The following TMEM119 variants were observed in gnomAD, a reference collection of about 807,000 sequenced individuals.
TMEM119 encodes the protein osteoblast induction factor.
For synonymous variants in TMEM119, 182 were observed against 176.4 expected, an observed-to-expected ratio of 1.03 and a Z score of -0.25; for missense variants, 410 against 381.0, an observed-to-expected ratio of 1.08 and a Z score of -0.63.
chr12:108,597,580 A>G (rs1367407928), intron 1 of TMEM119, among the ~76,000 whole-genome samples: 3 of 151,862 alleles, frequency 2.0e-5, no homozygotes, highest in African/African-American at 7.3e-5. Context: ...CACACAATAC[A>G]CAGAGAACAC....
In TMEM119 at chr12:108,592,146, G is replaced by C. The variant is rs987934739; in HGVS notation, c.238C>G (p.Pro80Ala). ...QPITLGGPSP[P>A]TNFLDGIVDF... ...ACTATCCCATCCAGGAAGTTGGTGGGGGGTGATGGGCCCCCCAGGGTTATG... is the reference window on the plus strand; with the variant it reads ...ACTATCCCATCCAGGAAGTTGGTGGCGGGTGATGGGCCCCCCAGGGTTATG... The change falls in exon 2 of 2, where the codon CCC (proline) becomes GCC (alanine). Residue 80 changes from proline (P) to alanine (A), a missense_variant. Physicochemically the swap from Pro to Ala is conservative, Grantham distance 27 (BLOSUM62 -1). Coordinates refer to ENST00000392806, the MANE Select transcript of TMEM119 (RefSeq NM_181724.3). The surrounding 1 kb of genome is among the most constrained non-coding windows in gnomAD (Gnocchi z 4.3). 1.9e-6 allele frequency: 3 copies of C among 1,614,000 alleles called. No individual in the cohort carries two copies. Among genetic ancestry groups the C allele is most frequent in the African/African-American group, 2.7e-5 (2 of 74,930 alleles).
intron 1 of TMEM119, chr12:108,594,671 G>T (rs1302752304): frequency 6.6e-6 from 1 of 152,092 alleles, no homozygotes; most frequent in Non-Finnish European, 1.5e-5. Context: ...GCCAGGTGTG[G>T]TGGCTCACAC....
rs1412773678 is a variant in TMEM119, at chr12:108,591,861, C to T, written c.523G>A (p.Asp175Asn). The change falls in exon 2 of 2, where the codon GAC becomes AAC. Residue 175 changes from aspartate to asparagine, a missense_variant. Transcript: ENST00000392806. The surrounding 1 kb of genome is among the most constrained non-coding windows in gnomAD (Gnocchi z 4.2). ...AGGTTCTGGGTGGCGGCCAAGATGT[C>T]GGCCTGGAGCTGCCGGGAGGAATCC... is the stretch of plus-strand genomic sequence containing the variant. The part of the protein sequence containing the change: ...ALDSSRQLQA[D>N]ILAATQNLKS... The T allele has an allele frequency of 2.5e-6, 4 of 1,605,778 alleles. No homozygotes were observed. The highest frequency in any genetic ancestry group is 2.2e-5 in the South Asian group (2 of 90,656).
intron 1 of TMEM119, among the ~76,000 whole-genome samples, chr12:108,593,456 A>G (rs974806737): frequency 6.6e-6 from 1 of 151,970 alleles, no homozygotes; most frequent in Non-Finnish European, 1.5e-5. Context: ...AAGAAGAAAA[A>G]AAAAAAAAGA....
At chr12:108,593,890 C>G (rs576899059) in intron 1 of TMEM119, among the ~76,000 whole-genome samples, 34 of 152,370 alleles carry the variant, frequency 2.2e-4, no homozygotes, top group African/African-American at 7.7e-4. Flanking sequence ...AACCCCTGCC[C>G]GGCCCAGCAG....
At position 108,591,476 on chromosome 12, in the gene TMEM119, C is replaced by A; in HGVS notation, c.*56G>T. On this transcript the variant is annotated 3_prime_UTR_variant, in exon 2 of 2. Transcript: ENST00000392806. The surrounding 1 kb of genome is among the most constrained non-coding windows in gnomAD (Gnocchi z 4.2). The stretch of plus-strand genomic sequence containing the variant: ...TCAGGGCTGAAGGCCTTTTCATACA[C>A]GGGGAGGTGACCACTTGGGGGCCCG... 6.6e-7 allele frequency: 1 copy of A among 1,517,454 alleles called. No individual in the cohort carries two copies. The highest frequency in any genetic ancestry group is 2.1e-5 in the Admixed American group (1 of 46,926). The allele number at this position is 1,517,454 out of a possible 1,614,324, so 94.0% of individuals were successfully genotyped here. A position where few individuals can be genotyped will look rare whatever the true frequency, so the allele number is the denominator to read the frequency against.
At position 108,596,145 on chromosome 12, in the gene TMEM119, C is replaced by T. The variant is rs190507184; in HGVS notation, c.-15+1825G>A. On this transcript the variant is annotated intron_variant, in intron 1 of 1. Transcript: ENST00000392806. ...TGCCTGGTGCGAAGTAGCTGAGCCC[C>T]GAGGAAAGATAGGGTCTGGGGTAGC... Among the ~76,000 whole-genome samples the T allele has an allele frequency of 1.1e-3, 170 of 152,224 alleles. 1 individual carries two copies. Among genetic ancestry groups the T allele is most frequent in the Non-Finnish European group, 1.5e-3 (102 of 68,000 alleles).
In TMEM119 at chr12:108,590,743, T is replaced by G. The variant is rs2031377206; in HGVS notation, c.*789A>C. Reference sequence around the variant, plus strand: ...GTAGAGTGCCTCGGGGAACCTAGTTTGGGAAATGCTCATTTAGGGACCTGT... The same window carrying G: ...GTAGAGTGCCTCGGGGAACCTAGTTGGGGAAATGCTCATTTAGGGACCTGT... On this transcript the variant is annotated 3_prime_UTR_variant, in exon 2 of 2. Coordinates refer to ENST00000392806, the MANE Select transcript of TMEM119 (RefSeq NM_181724.3). The G allele has an allele frequency of 6.6e-6, 1 of 152,168 alleles. No homozygotes were observed. The highest frequency in any genetic ancestry group is 1.5e-5 in the Non-Finnish European group (1 of 68,040). 9.4% of individuals were successfully genotyped at this position (152,168 alleles called of 1,614,324 possible).
In TMEM119 at chr12:108,591,514, G is replaced by A; in HGVS notation, c.*18C>T. 6.4e-7 allele frequency: 1 copy of A among 1,559,786 alleles called. No individual in the cohort carries two copies. Among genetic ancestry groups the A allele is most frequent in the African/African-American group, 1.4e-5 (1 of 73,380 alleles). On this transcript the variant is annotated 3_prime_UTR_variant, in exon 2 of 2. Transcript: ENST00000392806. This position sits in a 1 kb window ranked among gnomAD's most constrained non-coding sequence, Gnocchi z 4.2. Reference sequence around the variant, plus strand: ...ACTTGGGGGCCCGACAGTCAGGGCTGGCAGCCCGGGAGGACTGTTAGACAC... The same window carrying A: ...ACTTGGGGGCCCGACAGTCAGGGCTAGCAGCCCGGGAGGACTGTTAGACAC...
At chr12:108,597,736 C>G (rs1248907505) in intron 1 of TMEM119, among the ~76,000 whole-genome samples, 1 of 152,032 alleles carries the variant, frequency 6.6e-6, no homozygotes, top group African/African-American at 2.4e-5. Flanking sequence ...AAGCAACACA[C>G]CCCCTACACC....
Position 108,592,671 on chromosome 12 carries a change from A to G in TMEM119, c.-14-274T>C, listed in dbSNP as rs138805412. On this transcript the variant is annotated intron_variant, in intron 1 of 1. Transcript: ENST00000392806. This position sits in a 1 kb window ranked among gnomAD's most constrained non-coding sequence, Gnocchi z 4.3. The stretch of plus-strand genomic sequence containing the variant: ...ATCTGGTATTCAGTAAGTGCTCAAT[A>G]AATGTACCCTGACTGACGTGGCTGA... Among the ~76,000 whole-genome samples the G allele has an allele frequency of 6.6e-6, 1 of 152,158 alleles. No individual in the cohort carries two copies. The highest frequency in any genetic ancestry group is 2.4e-5 in the African/African-American group (1 of 41,512).
intron 1 of TMEM119, among the ~76,000 whole-genome samples, chr12:108,595,599 A>G (rs1174897653): frequency 6.6e-6 from 1 of 151,824 alleles, no homozygotes; most frequent in Non-Finnish European, 1.5e-5. Flanking sequence ...ACAATCATAC[A>G]CACATGCACA....
rs2031418191 is a variant in TMEM119 at position 108,592,120 on chromosome 12, C to T, written c.264G>A (p.Val88=). The change falls in exon 2 of 2, where the codon GTG becomes GTA. Residue 88 remains valine (V), a synonymous_variant. Coordinates refer to ENST00000392806, the MANE Select transcript of TMEM119 (RefSeq NM_181724.3). The surrounding 1 kb of genome is among the most constrained non-coding windows in gnomAD (Gnocchi z 4.3). The part of the protein sequence containing the change: ...SPPTNFLDGI[V]DFFRQYVMLI... ...GCATCACGTACTGGCGGAAGAAGTC[C>T]ACTATCCCATCCAGGAAGTTGGTGG... is the stretch of plus-strand genomic sequence containing the variant. The T allele has an allele frequency of 6.2e-7, 1 of 1,614,172 alleles. No individual in the cohort carries two copies. Among genetic ancestry groups the T allele is most frequent in the Admixed American group, 1.7e-5 (1 of 60,028 alleles).
At chr12:108,597,119 G>A (rs2031516063) in intron 1 of TMEM119, among the ~76,000 whole-genome samples, 1 of 152,204 alleles carries the variant, frequency 6.6e-6, no homozygotes, top group African/African-American at 2.4e-5. Flanking sequence ...AGGACTCCCT[G>A]CCTGGGGACA....
chr12:108,593,846 A>G (rs1362661824), intron 1 of TMEM119, among the ~76,000 whole-genome samples: 1 of 152,208 alleles, frequency 6.6e-6, no homozygotes, highest in East Asian at 1.9e-4. Context: ...CAGCTGCTCA[A>G]ACCCAGGGAC....
At chr12:108,593,366 C>T (rs913374402) in intron 1 of TMEM119, among the ~76,000 whole-genome samples, 25 of 152,182 alleles carry the variant, frequency 1.6e-4, no homozygotes, top group African/African-American at 6.0e-4. Context: ...ATCGCTTGAA[C>T]CTGGGAGGCG....
At chr12:108,593,915 G>T (rs193006027) in intron 1 of TMEM119, among the ~76,000 whole-genome samples, 4 of 152,358 alleles carry the variant, frequency 2.6e-5, no homozygotes, top group African/African-American at 9.6e-5. Flanking sequence ...CTCAGGTCCC[G>T]GAAGCGGGCT....
chr12:108,594,033 G>T (rs2031463395), intron 1 of TMEM119: 1 of 152,332 alleles, frequency 6.6e-6, no homozygotes, highest in Non-Finnish European at 1.5e-5. Flanking sequence ...GGCAGGCCCA[G>T]GGCCACACAG....
At position 108,591,343 on chromosome 12, in the gene TMEM119, G is replaced by C; in HGVS notation, c.*189C>G. 3.1e-6 allele frequency: 2 copies of C among 649,248 alleles called. No homozygotes were observed. The allele number at this position is 649,248 out of a possible 1,614,324, so 40.2% of individuals were successfully genotyped here. On this transcript the variant is annotated 3_prime_UTR_variant, in exon 2 of 2. Coordinates refer to ENST00000392806, the MANE Select transcript of TMEM119 (RefSeq NM_181724.3). This position sits in a 1 kb window ranked among gnomAD's most constrained non-coding sequence, Gnocchi z 4.2. ...CTGAGGTGAAGGATGATGGCACTTG[G>C]TAAGATTCCTCCGGGGCACCGGGGA...
Sources: allele counts gnomAD v4.1 joint callset (sites outside exome capture counted in the v4.1 genomes callset), GRCh38; gene constraint gnomAD v4.1.1; non-coding constraint Gnocchi (gnomAD v3.1); transcripts MANE v1.5; gene names NCBI Gene and HGNC (gene_info 2026-07-23, HGNC 2026-07-21).